Variants in AKAP8L observed in about 807,000 individuals in gnomAD.
The protein encoded by AKAP8L is A-kinase anchoring protein 8 like, also known as A-kinase anchor protein 8-like.
In AKAP8L, 34 loss-of-function variants were observed where a neutral mutation model predicts 77.5. The observed-to-expected ratio is 0.44, with a 90% CI of 0.33 to 0.58. The LOEUF (loss-of-function observed/expected upper bound fraction) is 0.58, where lower values mean the gene tolerates loss of function less well. Ranked by LOEUF, AKAP8L falls within the 20% of genes least tolerant of loss-of-function variation. The pLI is 0.02. For missense variants in AKAP8L, 806 were observed against 887.6 expected (o/e 0.91, Z 1.17); for synonymous variants, 342 against 340.7 (o/e 1.00, Z -0.04).
chr19:15,414,127 C>T (rs1403627575), intron 1 of AKAP8L, among the ~76,000 whole-genome samples: 2 of 138,776 alleles, frequency 1.4e-5, no homozygotes, highest in South Asian at 2.2e-4. Flanking sequence ...TGCAATGGTG[C>T]GATCTCGGTT....
intron 12 of AKAP8L, among the ~76,000 whole-genome samples, chr19:15,390,136 C>T (rs536770060): frequency 2.6e-5 from 4 of 152,128 alleles, no homozygotes; most frequent in African/African-American, 9.6e-5. Flanking sequence ...AGTTAACAGG[C>T]TGGGCACAGT....
At chr19:15,415,965 C>T (rs1322333877) in intron 1 of AKAP8L, among the ~76,000 whole-genome samples, 13 of 151,762 alleles carry the variant, frequency 8.6e-5, no homozygotes, top group Non-Finnish European at 4.4e-5. Context: ...TGGCTCACTG[C>T]AGCCTCAACC....
At chr19:15,381,541 A>T (rs1967417487) in intron 12 of AKAP8L, among the ~76,000 whole-genome samples, 1 of 152,120 alleles carries the variant, frequency 6.6e-6, no homozygotes, top group South Asian at 2.1e-4. Flanking sequence ...GGGGTGGGAG[A>T]GCCCATTGAG....
chr19:15,414,603 C>T (rs1568274921), intron 1 of AKAP8L, among the ~76,000 whole-genome samples: 1 of 151,716 alleles, frequency 6.6e-6, no homozygotes, highest in Non-Finnish European at 1.5e-5. Context: ...ATTCTCCTGC[C>T]TCAGCCTCCT....
chr19:15,392,830 A>C (rs1054808722), intron 12 of AKAP8L, among the ~76,000 whole-genome samples: 30 of 132,630 alleles, frequency 2.3e-4, no homozygotes, highest in African/African-American at 8.4e-4. Context: ...CAGGAGGCGG[A>C]GGTTGCAGTG....
At chr19:15,414,167 C>T (rs1043988215) in intron 1 of AKAP8L, among the ~76,000 whole-genome samples, 4 of 150,030 alleles carry the variant, frequency 2.7e-5, no homozygotes, top group African/African-American at 9.9e-5. Context: ...CAGGCTCAAG[C>T]GATTCTCCTG....
intron 12 of AKAP8L, among the ~76,000 whole-genome samples, chr19:15,393,647 G>A (rs1467756168): frequency 6.6e-6 from 1 of 152,048 alleles, no homozygotes. Context: ...AATGCCGGGC[G>A]CGGTGGCTCA....
chr19:15,404,058 G>A lies in AKAP8L; in HGVS notation c.89-16C>T. ...GTTCCATATCCTACAAAAAGTAAAA[G>A]GGCAGTTACATCTATACTTGCTTAC... On this transcript the variant is annotated splice_polypyrimidine_tract_variant and intron_variant, in intron 2 of 13. Transcript: ENST00000397410. 6.2e-7 allele frequency: 1 copy of A among 1,613,132 alleles called. No individual in the cohort carries two copies. Among genetic ancestry groups the A allele is most frequent in the South Asian group, 1.1e-5 (1 of 91,050 alleles).
intron 1 of AKAP8L, among the ~76,000 whole-genome samples, chr19:15,416,420 G>T (rs773063926): frequency 4.6e-5 from 7 of 152,192 alleles, no homozygotes; most frequent in Non-Finnish European, 8.8e-5. Flanking sequence ...CAGCCACCAT[G>T]TTGTGAGGAT....
chr19:15,414,476 G>C (rs1968166386), intron 1 of AKAP8L, among the ~76,000 whole-genome samples: 1 of 151,668 alleles, frequency 6.6e-6, no homozygotes, highest in Non-Finnish European at 1.5e-5. Flanking sequence ...TTAGATCACA[G>C]ATTTCTTTTT....
In AKAP8L at chr19:15,417,134, T is replaced by C. The variant is rs556989468; in HGVS notation, c.13+1777A>G. Among the ~76,000 whole-genome samples, 24 of 152,236 alleles carry C rather than the reference T, an allele frequency of 1.6e-4. 1 individual carries two copies. The South Asian group carries it at 4.8e-3, about 30-fold the overall frequency. ...AGAGCTGGAATTCAGGTTTGGTCAT[T>C]AGTGACCTTGTATCTCAGTTTCCTC... On this transcript the variant is annotated intron_variant, in intron 1 of 13. Transcript: ENST00000397410.
chr19:15,380,221 G>T lies in AKAP8L; in HGVS notation c.1842C>A (p.Gly614=). 2 of 1,508,900 alleles carry T rather than the reference G, an allele frequency of 1.3e-6. No individual in the cohort carries two copies. The highest frequency in any genetic ancestry group is 1.8e-6 in the Non-Finnish European group (2 of 1,137,168). The allele number at this position is 1,508,900 out of a possible 1,614,324, so 93.5% of individuals were successfully genotyped here. Residue 614 remains glycine (G), a synonymous_variant, in exon 14 of 14, where the codon GGC becomes GGA. Transcript: ENST00000397410. ...PPPPPEEEEE[G]AVPLLGGALQ... ...GCGCCCCTCCCAGCAAGGGCACGGC[G>T]CCCTCCTCCTCCTCCTCTGGGGGCG...
chr19:15,380,776 G>A (rs1967394779), intron 12 of AKAP8L, 164 bp from the exon 13 acceptor site: 1 of 614,930 alleles, frequency 1.6e-6, no homozygotes, highest in Admixed American at 2.8e-5. Context: ...CAACCTATCT[G>A]ATCTTTGTTC....
At position 15,399,195 on chromosome 19, in the gene AKAP8L, T is replaced by TCC; in HGVS notation, c.1157+105_1157+106dup. 9.8e-7 allele frequency: 1 copy of TCC among 1,017,418 alleles called. No homozygotes were observed. Among genetic ancestry groups the TCC allele is most frequent in the South Asian group, 1.4e-5 (1 of 71,862 alleles). The allele number at this position is 1,017,418 out of a possible 1,614,324, so 63.0% of individuals were successfully genotyped here. On this transcript the variant is annotated intron_variant, in intron 9 of 13. Coordinates refer to ENST00000397410, the MANE Select transcript of AKAP8L (RefSeq NM_014371.4). The surrounding 1 kb of genome is among the most constrained non-coding windows in gnomAD (Gnocchi z 6.1). ...CATGCACGGCCGAGCAGGTGGCGGC[T>TCC]CCCAAGGGAGGCCAGAGGGCGGCGA...
At position 15,380,586 on chromosome 19, in the gene AKAP8L, G is replaced by A. The variant is rs777334851; in HGVS notation, c.1563C>T (p.Ser521=). 39 of 1,613,652 alleles carry A rather than the reference G, an allele frequency of 2.4e-5. No individual in the cohort carries two copies. The highest frequency in any genetic ancestry group is 3.3e-5 in the Admixed American group (2 of 59,994). ...GAATACTGCGGGCCACCATGAGGGA[G>A]GACTTCTTGGACTGCTCCATCATGA... The part of the protein sequence containing the change: ...RRLMMEQSKK[S]SLMVARSILN... The change falls in exon 13 of 14, where the codon TCC becomes TCT. Residue 521 remains serine, a synonymous_variant. Transcript: ENST00000397410.
chr19:15,414,490 T>G (rs7260373), intron 1 of AKAP8L, among the ~76,000 whole-genome samples: 137 of 152,184 alleles, frequency 9.0e-4, no homozygotes, highest in African/African-American at 3.0e-3. Flanking sequence ...TCTTTTTTTT[T>G]TTGTTTGTTT....
At chr19:15,389,852 T>A (rs1464622733) in intron 12 of AKAP8L, among the ~76,000 whole-genome samples, 1 of 150,804 alleles carries the variant, frequency 6.6e-6, no homozygotes, top group Non-Finnish European at 1.5e-5. Flanking sequence ...GTGCCAAGAG[T>A]CAAAGACAGG....
In AKAP8L at chr19:15,397,287, T is replaced by C; in HGVS notation, c.1406-7A>G. On this transcript the variant is annotated splice_polypyrimidine_tract_variant and splice_region_variant and intron_variant, in intron 11 of 13. Transcript: ENST00000397410. The surrounding 1 kb of genome is among the most constrained non-coding windows in gnomAD (Gnocchi z 4.7). ...AAATGCTCCATGGCAATTTCTGTAG[T>C]GGGGAGGAGGGAGTCACCACTGGGC... 1 of 1,613,812 alleles carries C rather than the reference T, an allele frequency of 6.2e-7. No individual in the cohort carries two copies. The highest frequency in any genetic ancestry group is 8.5e-7 in the Non-Finnish European group (1 of 1,179,820).
intron 8 of AKAP8L, chr19:15,400,034 T>C: frequency 1.8e-6 from 1 of 556,198 alleles, no homozygotes; most frequent in Non-Finnish European, 3.2e-6. Flanking sequence ...ACACTTTTAC[T>C]AGCTGCCCCC....
Sources: gnomAD v4.1 joint callset for allele counts (sites outside exome capture counted in the v4.1 genomes callset) on GRCh38, gnomAD v4.1.1 for gene constraint, Gnocchi (gnomAD v3.1) non-coding constraint, MANE v1.5 for transcripts, NCBI Gene and HGNC (gene_info 2026-07-23, HGNC 2026-07-21) for gene names.